The following SGSM1 variants were observed in gnomAD, a reference collection of about 807,000 sequenced individuals.
The protein encoded by SGSM1 is RUN and TBC1 domain containing 2.
SGSM1 carries 73 observed loss-of-function variants against 133.8 expected under a neutral mutation model. The observed-to-expected ratio is 0.55, with a 90% CI of 0.45 to 0.66. SGSM1 has a LOEUF of 0.66. SGSM1 is among the 30% of genes least tolerant of loss of function. The probability of loss-of-function intolerance (pLI) is 0.00; values close to 1 mark genes in which losing one functional copy is unlikely to be tolerated. For synonymous variants in SGSM1, 563 were observed against 573.0 expected (o/e 0.98, Z 0.25); for missense variants, 1,213 against 1,448.1 (o/e 0.84, Z 2.64).
At chr22:24,872,106 C>A (rs1034648239) in intron 12 of SGSM1, among the ~76,000 whole-genome samples, 3 of 152,168 alleles carry the variant, frequency 2.0e-5, no homozygotes, top group Non-Finnish European at 4.4e-5. Context: ...ATATGGCCCA[C>A]AAAGTTGAAA....
chr22:24,886,060 A>G (rs1932578474), intron 15 of SGSM1, among the ~76,000 whole-genome samples: 1 of 152,102 alleles, frequency 6.6e-6, no homozygotes, highest in Non-Finnish European at 1.5e-5. Context: ...GGTGCACAGA[A>G]GTTGAGGAAT....
chr22:24,886,727 A>C lies in SGSM1; in HGVS notation c.1769A>C (p.Glu590Ala). The C allele has an allele frequency of 6.3e-7, 1 of 1,584,358 alleles. No individual in the cohort carries two copies. The highest frequency in any genetic ancestry group is 1.3e-5 in the African/African-American group (1 of 74,428). ...QFGMTETERK[E>A]VDEQIHACYA... ...GGGATGACGGAAACAGAAAGGAAAG[A>C]GGTCGGTTACCTGCCATGGGCACTG... Residue 590 changes from glutamate (E) to alanine (A), a missense_variant and splice_region_variant, in exon 16 of 25, where the codon GAG becomes GCG. Glu to Ala is a moderately radical substitution (Grantham distance 107, BLOSUM62 -1). Transcript: ENST00000400358.
intron 3 of SGSM1, among the ~76,000 whole-genome samples, chr22:24,846,755 A>C (rs1307285545): frequency 6.6e-6 from 1 of 152,226 alleles, no homozygotes; most frequent in Non-Finnish European, 1.5e-5. Flanking sequence ...GTAAGTTAAA[A>C]TTAAGATATC....
rs759689604 is a variant in SGSM1, at chr22:24,901,839, C to G, written c.2617C>G (p.Leu873Val). 1 of 1,612,782 alleles carries G rather than the reference C, an allele frequency of 6.2e-7. No homozygotes were observed. The highest frequency in any genetic ancestry group is 1.7e-5 in the Admixed American group (1 of 59,868). ...CTGCCCCGATGGCCTATAGCCAGAG[C>G]TGCTGGATCTGTACACGGTGAACCT... The part of the protein sequence containing the change: ...SSSGVTYSPE[L>V]LDLYTVNLHR... Residue 873 changes from leucine (L) to valine (V), a missense_variant, in exon 20 of 25, where the codon CTG (leucine) becomes GTG (valine). Leu to Val is a conservative substitution (Grantham distance 32). Transcript: ENST00000400358.
intron 12 of SGSM1, among the ~76,000 whole-genome samples, chr22:24,870,548 A>G (rs1174038763): frequency 1.3e-5 from 2 of 152,196 alleles, no homozygotes; most frequent in African/African-American, 2.4e-5. Context: ...GGCTTGATGA[A>G]GGCCAGTGGA....
At chr22:24,832,295 T>C (rs1929163642) in intron 2 of SGSM1, among the ~76,000 whole-genome samples, 1 of 152,204 alleles carries the variant, frequency 6.6e-6, no homozygotes, top group Non-Finnish European at 1.5e-5. Context: ...GTTATGAGGA[T>C]TCTGTTTGCT....
In SGSM1 at chr22:24,905,120, C is replaced by T; in HGVS notation, c.2751C>T (p.His917=). The change falls in exon 21 of 25, where the codon CAC becomes CAT. Residue 917 remains histidine (H), a synonymous_variant. Coordinates refer to ENST00000400358, the MANE Select transcript of SGSM1 (RefSeq NM_001098497.3). ...TCTCTTCTAGCTACATCTGGCAGCA[C>T]ATTGAGATCGGCTATGTCCAGGGCA... ...RNIMCSYIWQ[H]IEIGYVQGMC... 1 of 1,614,004 alleles carries T rather than the reference C, an allele frequency of 6.2e-7. No homozygotes were observed. Among genetic ancestry groups the T allele is most frequent in the Non-Finnish European group, 8.5e-7 (1 of 1,179,880 alleles).
At chr22:24,821,475 G>A (rs1175022029) in intron 2 of SGSM1, among the ~76,000 whole-genome samples, 1 of 152,208 alleles carries the variant, frequency 6.6e-6, no homozygotes, top group Non-Finnish European at 1.5e-5. Context: ...AAGTGAGGAG[G>A]AGAGAGATGC....
intron 2 of SGSM1, among the ~76,000 whole-genome samples, chr22:24,837,212 A>C (rs925638287): frequency 5.3e-5 from 8 of 152,200 alleles, no homozygotes; most frequent in Non-Finnish European, 8.8e-5. Flanking sequence ...CAGGGTAAAG[A>C]ATGTGAGTCA....
intron 14 of SGSM1, among the ~76,000 whole-genome samples, chr22:24,881,131 T>G (rs1363025947): frequency 7.2e-6 from 1 of 138,402 alleles, no homozygotes; most frequent in Non-Finnish European, 1.5e-5. Flanking sequence ...AGGCAGAGGT[T>G]GCAGTGAGCC....
At chr22:24,826,787 G>A (rs1928823309) in intron 2 of SGSM1, among the ~76,000 whole-genome samples, 1 of 152,078 alleles carries the variant, frequency 6.6e-6, no homozygotes, top group South Asian at 2.1e-4. Context: ...GGCTTTCTGG[G>A]GGCTACCTCT....
intron 3 of SGSM1, 74 bp downstream of exon 3, chr22:24,845,046 G>GT: frequency 6.8e-7 from 1 of 1,463,140 alleles, no homozygotes; most frequent in Non-Finnish European, 9.5e-7. Flanking sequence ...TGGAGCCACT[G>GT]TTTTGCTTTA....
At chr22:24,822,890 G>A (rs966387503) in intron 2 of SGSM1, among the ~76,000 whole-genome samples, 1 of 152,198 alleles carries the variant, frequency 6.6e-6, no homozygotes, top group Non-Finnish European at 1.5e-5. Flanking sequence ...TGCCTCATTG[G>A]GAAAATGGGA....
intron 15 of SGSM1, among the ~76,000 whole-genome samples, chr22:24,886,042 G>C (rs1360176312): frequency 6.6e-6 from 1 of 152,168 alleles, no homozygotes; most frequent in Non-Finnish European, 1.5e-5. Context: ...TAGTATTCTA[G>C]AAGGACAGGT....
chr22:24,871,016 A>G (rs1931740344), intron 12 of SGSM1, among the ~76,000 whole-genome samples: 1 of 152,144 alleles, frequency 6.6e-6, no homozygotes, highest in African/African-American at 2.4e-5. Flanking sequence ...GAAACTCCCA[A>G]CTAATTCAGT....
At chr22:24,849,036 T>C (rs1481348305) in intron 4 of SGSM1, among the ~76,000 whole-genome samples, 2 of 152,232 alleles carry the variant, frequency 1.3e-5, no homozygotes, top group African/African-American at 4.8e-5. Context: ...GTCATGGGCC[T>C]TCCACAACAC....
chr22:24,886,502 A>C (rs1283065136), intron 15 of SGSM1, 98 bp from the exon 16 acceptor site: 2 of 1,450,194 alleles, frequency 1.4e-6, no homozygotes, highest in East Asian at 5.1e-5. Context: ...TCAGGAGTTC[A>C]AGACCAATCT....
intron 19 of SGSM1, among the ~76,000 whole-genome samples, chr22:24,899,606 T>A (rs1933052066): frequency 6.6e-6 from 1 of 150,416 alleles, no homozygotes; most frequent in Non-Finnish European, 1.5e-5. Context: ...CACTGCAACC[T>A]CTGCGTCCCG....
chr22:24,812,175 AAG>A lies in SGSM1; in HGVS notation c.63+5693_63+5694del, dbSNP rs1180847939. The stretch of plus-strand genomic sequence containing the variant: ...ACAAAGCAAGACTCCGTCTCAAAAA[AAG>A]AAAAAAAAAAAGAAAAGAAAAATTA... On this transcript the variant is annotated intron_variant, in intron 2 of 24. Coordinates refer to ENST00000400358, the MANE Select transcript of SGSM1 (RefSeq NM_001098497.3). Among the ~76,000 whole-genome samples the A allele has an allele frequency of 1.1e-3, 126 of 113,068 alleles. 3 individuals carry two copies. Among genetic ancestry groups the A allele is most frequent in the African/African-American group, 1.9e-3 (63 of 33,668 alleles). The allele number at this position is 113,068 out of a possible 152,430, so 74.2% of individuals were successfully genotyped here. A position where few individuals can be genotyped will look rare whatever the true frequency, so the allele number is the denominator to read the frequency against.
Sources: allele counts gnomAD v4.1 joint callset (sites outside exome capture counted in the v4.1 genomes callset), GRCh38; gene constraint gnomAD v4.1.1; transcripts MANE v1.5; gene names NCBI Gene and HGNC (gene_info 2026-07-23, HGNC 2026-07-21).